The following SMAD1 variants were observed in gnomAD, a reference collection of about 807,000 sequenced individuals.
SMAD1 encodes MAD, mothers against decapentaplegic homolog 1.
SMAD1 carries 6 observed loss-of-function variants against 41.6 expected under a neutral mutation model. The observed-to-expected ratio is 0.14, with a 90% CI of 0.08 to 0.28. SMAD1 has a LOEUF of 0.28. SMAD1 is among the 10% of genes least tolerant of loss of function. SMAD1 has a pLI of 1.00. For synonymous variants in SMAD1, 206 were observed against 203.2 expected (o/e 1.01, Z -0.12); for missense variants, 379 against 582.6 (o/e 0.65, Z 3.60).
In SMAD1 at chr4:145,557,944, G is replaced by T; in HGVS notation, c.*10G>T. On this transcript the variant is annotated 3_prime_UTR_variant, in exon 7 of 7. Coordinates refer to ENST00000302085, the MANE Select transcript of SMAD1 (RefSeq NM_005900.3). ...TTCATCTGTATCTTAAATGGCCCCA[G>T]GCATCTGCCTCTGGAAAACTATTGA... 1.3e-6 allele frequency: 2 copies of T among 1,590,414 alleles called. No homozygotes were observed. Among genetic ancestry groups the T allele is most frequent in the Non-Finnish European group, 1.7e-6 (2 of 1,166,098 alleles).
intron 2 of SMAD1, among the ~76,000 whole-genome samples, chr4:145,528,094 TACACACAC>T (rs1467435348): frequency 8.4e-6 from 1 of 119,726 alleles, no homozygotes; most frequent in East Asian, 2.4e-4. Context: ...CACACACACA[TACACACAC>T]ATATATTTTT....
chr4:145,493,259 T>C (rs1728872700), intron 1 of SMAD1, among the ~76,000 whole-genome samples: 1 of 152,202 alleles, frequency 6.6e-6, no homozygotes, highest in African/African-American at 2.4e-5. Context: ...CTTAATTTTA[T>C]CAGAGACAGT....
At chr4:145,519,088 CTTTTT>C (rs771498383) in intron 2 of SMAD1, among the ~76,000 whole-genome samples, 9 of 34,890 alleles carry the variant, frequency 2.6e-4, no homozygotes, top group African/African-American at 8.1e-4. Context: ...GTTTGGTTGG[CTTTTT>C]TTTTTTTTTT....
intron 1 of SMAD1, among the ~76,000 whole-genome samples, chr4:145,491,827 A>G (rs1728784072): frequency 6.6e-6 from 1 of 152,162 alleles, no homozygotes; most frequent in African/African-American, 2.4e-5. Flanking sequence ...TTCCTAGAGC[A>G]TATTGAAATA....
At chr4:145,518,268 A>G (rs1730533277) in intron 2 of SMAD1, among the ~76,000 whole-genome samples, 1 of 125,122 alleles carries the variant, frequency 8.0e-6, no homozygotes, top group African/African-American at 2.6e-5. Flanking sequence ...GTGTAGTGAG[A>G]CTCTGTCTCA....
rs1730468805 is a variant in SMAD1 at position 145,517,337 on chromosome 4, T to C, written c.400+2324T>C. Among the ~76,000 whole-genome samples, 3 of 152,224 alleles carry C rather than the reference T, an allele frequency of 2.0e-5. No homozygotes were observed. The South Asian group carries it at 6.2e-4, about 32-fold the overall frequency. On this transcript the variant is annotated intron_variant, in intron 2 of 6. Coordinates refer to ENST00000302085, the MANE Select transcript of SMAD1 (RefSeq NM_005900.3). ...TCGTTTGTGTCTAGCACATGGTCAT[T>C]ACTTAATAAACTAAGTAATTGTGTG...
chr4:145,537,570 G>T (rs11944363), intron 2 of SMAD1, among the ~76,000 whole-genome samples: 1,755 of 151,984 alleles, frequency 0.012, 28 homozygotes, highest in African/African-American at 0.04. Context: ...CATTGAGTTG[G>T]TTTTTTTTCC....
rs1730894019 is a variant in SMAD1 at position 145,523,954 on chromosome 4, C to T, written c.400+8941C>T. The stretch of plus-strand genomic sequence containing the variant: ...TGGCCCTGTTGCTCAGGCTGGAGTG[C>T]AGTGGCGCAGTCATAGCTCACTGCA... On this transcript the variant is annotated intron_variant, in intron 2 of 6. Transcript: ENST00000302085. Among the ~76,000 whole-genome samples the T allele has an allele frequency of 2.0e-5, 3 of 152,238 alleles. No homozygotes were observed. In the South Asian group the frequency reaches 6.2e-4, roughly 32 times the overall value.
chr4:145,516,050 CAGT>C (rs1265520633), intron 2 of SMAD1, among the ~76,000 whole-genome samples: 1 of 152,048 alleles, frequency 6.6e-6, no homozygotes, highest in Non-Finnish European at 1.5e-5. Context: ...TTTTAAAGAC[CAGT>C]AGTATAACAA....
At chr4:145,555,965 A>T (rs1732813795) in intron 6 of SMAD1, among the ~76,000 whole-genome samples, 1 of 152,178 alleles carries the variant, frequency 6.6e-6, no homozygotes, top group Admixed American at 6.5e-5. Flanking sequence ...GTTAAAGAAA[A>T]GTTGTTTATC....
intron 2 of SMAD1, among the ~76,000 whole-genome samples, chr4:145,522,822 G>A (rs566650641): frequency 1.3e-5 from 2 of 152,038 alleles, no homozygotes; most frequent in South Asian, 2.1e-4. Context: ...TGGGATTACA[G>A]ACACCCGCCA....
In SMAD1 at chr4:145,482,227, C is replaced by G. The variant is rs868743280; in HGVS notation, c.-177+189C>G. On this transcript the variant is annotated intron_variant, in intron 1 of 6. Coordinates refer to ENST00000302085, the MANE Select transcript of SMAD1 (RefSeq NM_005900.3). The surrounding 1 kb of genome is among the most constrained non-coding windows in gnomAD (Gnocchi z 4.2). ...TTCTGCGCGGGGCGGGCCGCGACCC[C>G]CCCCCCCCATGATGGCGCCTCCCGT... Among the ~76,000 whole-genome samples, 23 of 149,838 alleles carry G rather than the reference C, an allele frequency of 1.5e-4. 1 individual carries two copies. The highest frequency in any genetic ancestry group is 4.8e-4 in the African/African-American group (20 of 41,280).
At chr4:145,492,295 A>G (rs916276751) in intron 1 of SMAD1, among the ~76,000 whole-genome samples, 4 of 152,200 alleles carry the variant, frequency 2.6e-5, no homozygotes. Flanking sequence ...CACCTCCAAC[A>G]TAAGTCCAGG....
intron 1 of SMAD1, among the ~76,000 whole-genome samples, chr4:145,490,342 G>A (rs1728706678): frequency 6.6e-6 from 1 of 152,190 alleles, no homozygotes; most frequent in Admixed American, 6.5e-5. Context: ...TGATTTTCCT[G>A]TATTGTTGGA....
intron 1 of SMAD1, among the ~76,000 whole-genome samples, chr4:145,496,211 G>T (rs748562885): frequency 2.6e-5 from 4 of 152,034 alleles, no homozygotes; most frequent in Non-Finnish European, 5.9e-5. Flanking sequence ...GAAGGAGATG[G>T]AGGGAATTTT....
At chr4:145,523,768 G>A (rs1026070798) in intron 2 of SMAD1, among the ~76,000 whole-genome samples, 1 of 152,130 alleles carries the variant, frequency 6.6e-6, no homozygotes, top group African/African-American at 2.4e-5. Context: ...CCACTGAGGC[G>A]GTTGCAGAGG....
At chr4:145,493,916 G>A (rs1728911641) in intron 1 of SMAD1, among the ~76,000 whole-genome samples, 1 of 152,160 alleles carries the variant, frequency 6.6e-6, no homozygotes, top group Non-Finnish European at 1.5e-5. Context: ...TGATGCATTT[G>A]ATAGAGCTTT....
rs371159188 is a variant in SMAD1 at position 145,546,670 on chromosome 4, A to C, written c.776-33A>C. ...CAGTTTTTGAGAGCCTGAGGCACTA[A>C]CCTTGGTTGATATAACATTTTCTTT... On this transcript the variant is annotated intron_variant, in intron 4 of 6. Coordinates refer to ENST00000302085, the MANE Select transcript of SMAD1 (RefSeq NM_005900.3). 1.4e-4 allele frequency: 209 copies of C among 1,524,432 alleles called. 2 individuals are homozygous for C. The African/African-American group carries it at 2.6e-3, about 19-fold the overall frequency. 94.4% of individuals were successfully genotyped at this position (1,524,432 alleles called of 1,614,324 possible).
rs962972940 is a variant in SMAD1, at chr4:145,558,638, C to T, written c.*704C>T. Among the ~76,000 whole-genome samples, 6 of 152,194 alleles carry T rather than the reference C, an allele frequency of 3.9e-5. No homozygotes were observed. Among genetic ancestry groups the T allele is most frequent in the Non-Finnish European group, 7.4e-5 (5 of 68,006 alleles). On this transcript the variant is annotated 3_prime_UTR_variant, in exon 7 of 7. Transcript: ENST00000302085. ...GGGAAATGACAACTGCAAATGTAGA[C>T]TATACTGTAAAAATTCAGTTTGTTG...
Sources: gnomAD v4.1 joint callset for allele counts (sites outside exome capture counted in the v4.1 genomes callset) on GRCh38, gnomAD v4.1.1 for gene constraint, Gnocchi (gnomAD v3.1) non-coding constraint, MANE v1.5 for transcripts, NCBI Gene and HGNC (gene_info 2026-07-23, HGNC 2026-07-21) for gene names.